Variants in DOCK7 observed in about 807,000 individuals in gnomAD.
DOCK7 encodes the protein dedicator of cytokinesis protein 7.
DOCK7 carries 138 observed loss-of-function variants against 271.0 expected under a neutral mutation model. That is an observed-to-expected ratio of 0.51 (90% CI 0.44 to 0.59). The LOEUF is 0.59. Among genes scored for constraint, DOCK7 ranks in the 20% least tolerant of loss-of-function variants. The probability of loss-of-function intolerance (pLI) is 0.00; values close to 1 mark genes in which losing one functional copy is unlikely to be tolerated. For synonymous variants in DOCK7, 823 were observed against 876.1 expected (o/e 0.94, Z 1.07); for missense variants, 2,066 against 2,592.4 (o/e 0.80, Z 4.41).
chr1:62,583,611 A>G (rs1039718520), intron 15 of DOCK7, among the ~76,000 whole-genome samples: 1 of 152,198 alleles, frequency 6.6e-6, no homozygotes, highest in African/African-American at 2.4e-5. Context: ...AAATAGTGGC[A>G]TAAACCTACT....
intron 48 of DOCK7, among the ~76,000 whole-genome samples, chr1:62,468,830 A>C (rs1000579958): frequency 6.6e-6 from 1 of 152,048 alleles, no homozygotes; most frequent in Non-Finnish European, 1.5e-5. Flanking sequence ...CAAAAAAAAA[A>C]CAACCTCAAA....
chr1:62,531,642 A>G (rs893620203), intron 29 of DOCK7, among the ~76,000 whole-genome samples: 3 of 152,252 alleles, frequency 2.0e-5, no homozygotes, highest in Admixed American at 1.3e-4. Context: ...TTCATTAATT[A>G]TAGAACATAT....
At chr1:62,539,521 T>C in intron 27 of DOCK7, 24 bp downstream of exon 27, 1 of 1,531,400 alleles carries the variant, frequency 6.5e-7, no homozygotes, top group Non-Finnish European at 8.9e-7. Context: ...ATTTGATTAC[T>C]AATTATTCCT....
At chr1:62,583,547 A>G (rs1437259803) in intron 15 of DOCK7, among the ~76,000 whole-genome samples, 1 of 152,214 alleles carries the variant, frequency 6.6e-6, no homozygotes, top group African/African-American at 2.4e-5. Context: ...GAAGGTGAAG[A>G]ATTCACTTTT....
At chr1:62,674,517 TA>T (rs1251972963) in intron 1 of DOCK7, among the ~76,000 whole-genome samples, 7 of 152,102 alleles carry the variant, frequency 4.6e-5, no homozygotes, top group African/African-American at 1.7e-4. Context: ...TTGAAAAAAG[TA>T]AAAAATTGGA....
intron 37 of DOCK7, among the ~76,000 whole-genome samples, chr1:62,503,441 A>AT (rs34323888): frequency 1.4e-3 from 203 of 144,452 alleles, no homozygotes; most frequent in East Asian, 1.8e-3. Context: ...AACATAAACA[A>AT]TTTTTTTTTT....
chr1:62,663,466 T>C (rs113085724), intron 1 of DOCK7, among the ~76,000 whole-genome samples: 145 of 152,228 alleles, frequency 9.5e-4, no homozygotes, highest in African/African-American at 3.4e-3. Flanking sequence ...AAGATGTGTA[T>C]ATTAAAATGT....
At chr1:62,484,261 T>G (rs990421817) in intron 43 of DOCK7, 2 of 151,994 alleles carry the variant, frequency 1.3e-5, no homozygotes, top group Non-Finnish European at 2.9e-5. Context: ...AATCTATATT[T>G]CCTTAGGGAT....
intron 17 of DOCK7, among the ~76,000 whole-genome samples, chr1:62,578,250 C>T (rs1269688940): frequency 6.6e-6 from 1 of 152,140 alleles, no homozygotes; most frequent in Non-Finnish European, 1.5e-5. Flanking sequence ...ATTTATACTG[C>T]ATTGTTGGGT....
chr1:62,479,507 A>G (rs944567888), intron 43 of DOCK7, among the ~76,000 whole-genome samples: 16 of 152,192 alleles, frequency 1.1e-4, no homozygotes, highest in Admixed American at 7.2e-4. Flanking sequence ...GATTAAAACC[A>G]TAAGTAAGCC....
At chr1:62,467,035 C>A (rs1227175835) in intron 48 of DOCK7, among the ~76,000 whole-genome samples, 1 of 152,108 alleles carries the variant, frequency 6.6e-6, no homozygotes, top group African/African-American at 2.4e-5. Context: ...CTATAAGGCT[C>A]ATTATACATG....
At chr1:62,545,262 A>C (rs1390858936) in intron 22 of DOCK7, among the ~76,000 whole-genome samples, 2 of 152,278 alleles carry the variant, frequency 1.3e-5, no homozygotes, top group African/African-American at 4.8e-5. Context: ...TAAGTATAGT[A>C]TTTAAAGGTA....
At chr1:62,634,301 T>G (rs960754827) in intron 9 of DOCK7, 1 of 151,872 alleles carries the variant, frequency 6.6e-6, no homozygotes, top group African/African-American at 2.4e-5. Flanking sequence ...CTGAAAAGAT[T>G]TGATATCATT....
intron 14 of DOCK7, chr1:62,608,340 C>T (rs904063533): frequency 1.3e-5 from 2 of 152,162 alleles, no homozygotes; most frequent in African/African-American, 4.8e-5. Flanking sequence ...CTTCTGCTCT[C>T]ATCAAAACGA....
In DOCK7 at chr1:62,688,261, C is replaced by T. The variant is rs1483527924; in HGVS notation, c.4G>A (p.Ala2Thr). ...TTCTGGGCGAAGGCGCGGCGCTCGGCCATGGCTGCTGCGGCGACGGCGACG... is the reference window on the plus strand; with the variant it reads ...TTCTGGGCGAAGGCGCGGCGCTCGGTCATGGCTGCTGCGGCGACGGCGACG... M[A>T]ERRAFAQKIS... The change falls in exon 1 of 50, where the codon GCC (alanine) becomes ACC (threonine). Residue 2 changes from alanine (A) to threonine (T), a missense_variant. Ala to Thr is a moderately conservative substitution (Grantham distance 58, BLOSUM62 0). Transcript: ENST00000635253. 3.0e-6 allele frequency: 4 copies of T among 1,345,702 alleles called. No individual in the cohort carries two copies. Among genetic ancestry groups the T allele is most frequent in the South Asian group, 1.8e-5 (1 of 55,782 alleles). 83.4% of individuals were successfully genotyped at this position (1,345,702 alleles called of 1,614,324 possible).
chr1:62,473,083 G>A (rs2149254774), intron 48 of DOCK7, among the ~76,000 whole-genome samples: 1 of 152,232 alleles, frequency 6.6e-6, no homozygotes, highest in East Asian at 1.9e-4. Context: ...ATAACTATAT[G>A]CTGAGTCCTG....
At chr1:62,562,777 G>A (rs1436667775) in intron 18 of DOCK7, among the ~76,000 whole-genome samples, 1 of 152,044 alleles carries the variant, frequency 6.6e-6, no homozygotes, top group Non-Finnish European at 1.5e-5. Flanking sequence ...GTGCTAGAGA[G>A]GATGGCAACC....
At chr1:62,496,781 G>A (rs190180947) in intron 37 of DOCK7, among the ~76,000 whole-genome samples, 111 of 152,230 alleles carry the variant, frequency 7.3e-4, no homozygotes, top group Non-Finnish European at 1.3e-3. Context: ...ATGGGCATAT[G>A]TTATTAATAT....
intron 18 of DOCK7, among the ~76,000 whole-genome samples, chr1:62,570,683 G>A (rs928265284): frequency 1.3e-5 from 2 of 152,122 alleles, no homozygotes; most frequent in Non-Finnish European, 2.9e-5. Flanking sequence ...AACCAAAACA[G>A]CATGGTGCTA....
Sources: gnomAD v4.1 joint callset for allele counts (sites outside exome capture counted in the v4.1 genomes callset) on GRCh38, gnomAD v4.1.1 for gene constraint, MANE v1.5 for transcripts, NCBI Gene and HGNC (gene_info 2026-07-23, HGNC 2026-07-21) for gene names.